The following OR2T11 variants were observed in gnomAD, a reference collection of about 807,000 sequenced individuals.
OR2T11 encodes olfactory receptor family 2 subfamily T member 11.
Under a neutral mutation model 13.5 loss-of-function variants are expected in OR2T11, and 14 were observed. The ratio of observed to expected loss-of-function variants is 1.04; its 90% CI spans 0.69 to 1.62. OR2T11 has a LOEUF of 1.62. Among genes scored for constraint, OR2T11 ranks in the 40% most tolerant of loss-of-function variants. OR2T11 has a pLI of 0.00. For synonymous variants in OR2T11, 163 were observed against 154.6 expected (o/e 1.05, Z -0.40); for missense variants, 410 against 389.7 (o/e 1.05, Z -0.44).
At chr1:248,632,247 A>G (rs1331635059) in intron 1 of OR2T11, among the ~76,000 whole-genome samples, 1 of 143,828 alleles carries the variant, frequency 7.0e-6, no homozygotes, top group Non-Finnish European at 1.5e-5. Context: ...TGATCCTATC[A>G]ATGATTTATG....
intron 1 of OR2T11, among the ~76,000 whole-genome samples, chr1:248,633,853 A>ACCT (rs1161433677): frequency 2.8e-5 from 4 of 143,958 alleles, no homozygotes; most frequent in Non-Finnish European, 4.5e-5. Context: ...AATGGGACTT[A>ACCT]CCTCCTGTTT....
intron 1 of OR2T11, among the ~76,000 whole-genome samples, chr1:248,629,924 C>T (rs1455156994): frequency 2.1e-5 from 3 of 141,996 alleles, no homozygotes; most frequent in Non-Finnish European, 4.5e-5. Context: ...TTTTTCTTCA[C>T]TTTTCTTAAC....
At position 248,626,017 on chromosome 1, in the gene OR2T11, A is replaced by G; in HGVS notation, c.*161T>C. The G allele has an allele frequency of 3.7e-6, 2 of 535,444 alleles. No individual in the cohort carries two copies. Among genetic ancestry groups the G allele is most frequent in the Non-Finnish European group, 3.3e-6 (1 of 301,118 alleles). 33.2% of individuals were successfully genotyped at this position (535,444 alleles called of 1,614,324 possible). A position where few individuals can be genotyped will look rare whatever the true frequency, so the allele number is the denominator to read the frequency against. The stretch of plus-strand genomic sequence containing the variant: ...ACTGAAAGATCTCTGCATAACAGTA[A>G]AACATCTTTCCCTTGCTCCCGAGGA... On this transcript the variant is annotated 3_prime_UTR_variant, in exon 2 of 2. Coordinates refer to ENST00000641193, the MANE Select transcript of OR2T11 (RefSeq NM_001001964.2).
chr1:248,628,424 C>G (rs1375159987), intron 1 of OR2T11, among the ~76,000 whole-genome samples: 1 of 140,288 alleles, frequency 7.1e-6, no homozygotes, highest in East Asian at 2.1e-4. Context: ...CCGGATGCTG[C>G]AGGGTTTCCC....
chr1:248,626,309 A>AG lies in OR2T11; in HGVS notation c.819dup (p.Phe274LeufsTer10), dbSNP rs1660517139. 1.3e-6 allele frequency: 2 copies of AG among 1,570,666 alleles called. No homozygotes were observed. The highest frequency in any genetic ancestry group is 3.0e-5 in the African/African-American group (2 of 67,188). Reference sequence around the variant, plus strand: ...AGCATGGGCGTGACAATGGTATAGAAGGCTGACACTACTTTGTCCTGCTCG... The same window carrying AG: ...AGCATGGGCGTGACAATGGTATAGAAGGGCTGACACTACTTTGTCCTGCTCG... On this transcript the variant is annotated frameshift_variant, in exon 2 of 2. Coordinates refer to ENST00000641193, the MANE Select transcript of OR2T11 (RefSeq NM_001001964.2). LOFTEE classifies it high-confidence loss of function.
In OR2T11 at chr1:248,624,895, A is replaced by T. The variant is rs749283978; in HGVS notation, c.*1283T>A. The T allele has an allele frequency of 2.8e-5, 4 of 142,780 alleles. 1 individual carries two copies. Among genetic ancestry groups the T allele is most frequent in the African/African-American group, 8.3e-5 (3 of 36,052 alleles). 8.8% of individuals were successfully genotyped at this position (142,780 alleles called of 1,614,324 possible). A position where few individuals can be genotyped will look rare whatever the true frequency, so the allele number is the denominator to read the frequency against. ...AGGCATGTGCCACCACATCCAACTG[A>T]TATTTGTGTTTTTGGTAGATGGGGT... On this transcript the variant is annotated 3_prime_UTR_variant, in exon 2 of 2. Transcript: ENST00000641193.
At chr1:248,634,084 G>A (rs533962689) in intron 1 of OR2T11, among the ~76,000 whole-genome samples, 7 of 140,812 alleles carry the variant, frequency 5.0e-5, no homozygotes, top group South Asian at 2.2e-4. Flanking sequence ...TTTCCACGTC[G>A]TCTCTTCAAA....
chr1:248,629,788 G>A (rs1454577078), intron 1 of OR2T11, among the ~76,000 whole-genome samples: 1 of 141,810 alleles, frequency 7.1e-6, no homozygotes, highest in East Asian at 2.1e-4. Flanking sequence ...AGAGCCCTGA[G>A]CCCAGGCCAT....
In OR2T11 at chr1:248,624,224, A is replaced by T. The variant is rs1321572962; in HGVS notation, c.*1954T>A. 1.4e-5 allele frequency: 2 copies of T among 143,334 alleles called. No individual in the cohort carries two copies. The highest frequency in any genetic ancestry group is 3.0e-5 in the Non-Finnish European group (2 of 66,364). The allele number at this position is 143,334 out of a possible 1,614,324, so 8.9% of individuals were successfully genotyped here. Reference sequence around the variant, plus strand: ...GTACTGAATTATTCCTTTGAACTTCATACTCAATATCACATGACAGCACCA... The same window carrying T: ...GTACTGAATTATTCCTTTGAACTTCTTACTCAATATCACATGACAGCACCA... On this transcript the variant is annotated 3_prime_UTR_variant, in exon 2 of 2. Transcript: ENST00000641193.
intron 1 of OR2T11, among the ~76,000 whole-genome samples, chr1:248,631,087 A>G (rs1660606915): frequency 7.0e-6 from 1 of 143,034 alleles, no homozygotes; most frequent in Non-Finnish European, 1.5e-5. Context: ...AAAACCTCAT[A>G]GAAAAGTAGG....
At position 248,623,870 on chromosome 1, in the gene OR2T11, C is replaced by G. The variant is rs1330227367; in HGVS notation, c.*2308G>C. On this transcript the variant is annotated 3_prime_UTR_variant, in exon 2 of 2. Transcript: ENST00000641193. The stretch of plus-strand genomic sequence containing the variant: ...AAGGAGGGGGAGTCCGAAGGTTGTC[C>G]TACAACCCAGATGTCTCTACTAGCT... The G allele has an allele frequency of 1.4e-5, 2 of 142,308 alleles. No individual in the cohort carries two copies. Among genetic ancestry groups the G allele is most frequent in the Non-Finnish European group, 3.0e-5 (2 of 65,914 alleles). 8.8% of individuals were successfully genotyped at this position (142,308 alleles called of 1,614,324 possible). A position where few individuals can be genotyped will look rare whatever the true frequency, so the allele number is the denominator to read the frequency against.
At position 248,623,976 on chromosome 1, in the gene OR2T11, C is replaced by G. The variant is rs761977226; in HGVS notation, c.*2202G>C. On this transcript the variant is annotated 3_prime_UTR_variant, in exon 2 of 2. Transcript: ENST00000641193. The stretch of plus-strand genomic sequence containing the variant: ...GACCACCCTGATCTTTACTCATAGA[C>G]GCTCTCATTGATTCTAACTGCACCG... 7.1e-6 allele frequency: 1 copy of G among 141,514 alleles called. No homozygotes were observed. The highest frequency in any genetic ancestry group is 1.5e-5 in the Non-Finnish European group (1 of 65,706). The allele number at this position is 141,514 out of a possible 1,614,324, so 8.8% of individuals were successfully genotyped here.
chr1:248,626,328 C>G lies in OR2T11; in HGVS notation c.801G>C (p.Gln267His). The change falls in exon 2 of 2, where the codon CAG becomes CAC. Residue 267 changes from glutamine to histidine, a missense_variant. By Grantham distance (24) the Gln-to-His change is conservative. Transcript: ENST00000641193. ...TATAGAAGGCTGACACTACTTTGTC[C>G]TGCTCGGGGGTGTGGAAGGACTGGG... ...VLPQSFHTPE[Q>H]DKVVSAFYTI... 1 of 1,572,884 alleles carries G rather than the reference C, an allele frequency of 6.4e-7. No homozygotes were observed. Among genetic ancestry groups the G allele is most frequent in the South Asian group, 1.1e-5 (1 of 88,922 alleles).
At position 248,628,631 on chromosome 1, in the gene OR2T11, C is replaced by A. The variant is rs984742215; in HGVS notation, c.-144-1359G>T. ...TCAAATTTAGCTGGTTGTCCTTTAC[C>A]ATGCTGAAGTCATATCTGGTTTCAC... On this transcript the variant is annotated intron_variant, in intron 1 of 1. Transcript: ENST00000641193. Among the ~76,000 whole-genome samples the A allele has an allele frequency of 9.1e-5, 13 of 143,032 alleles. 3 individuals are homozygous for A. Among genetic ancestry groups the A allele is most frequent in the Non-Finnish European group, 1.7e-4 (11 of 66,258 alleles). 93.8% of individuals were successfully genotyped at this position (143,032 alleles called of 152,430 possible). A position where few individuals can be genotyped will look rare whatever the true frequency, so the allele number is the denominator to read the frequency against.
In OR2T11 at chr1:248,634,231, C is replaced by G. The variant is rs1211021611; in HGVS notation, c.-145+807G>C. Among the ~76,000 whole-genome samples the G allele has an allele frequency of 7.2e-4, 35 of 48,584 alleles. 2 individuals carry two copies. The highest frequency in any genetic ancestry group is 4.3e-3 in the South Asian group (4 of 928). The allele number at this position is 48,584 out of a possible 152,430, so 31.9% of individuals were successfully genotyped here. A position where few individuals can be genotyped will look rare whatever the true frequency, so the allele number is the denominator to read the frequency against. On this transcript the variant is annotated intron_variant, in intron 1 of 1. Transcript: ENST00000641193. ...TGTTAGGAAAAGTTTTAAGTGCTTG[C>G]GATGCCTAACAATTCTTGTTTTTAG...
intron 1 of OR2T11, among the ~76,000 whole-genome samples, chr1:248,630,638 A>G (rs1306195167): frequency 6.9e-6 from 1 of 144,146 alleles, no homozygotes; most frequent in Non-Finnish European, 1.5e-5. Context: ...GCAAAATGTC[A>G]TCTGCCTTCT....
In OR2T11 at chr1:248,633,806, A is replaced by T. The variant is rs1268504708; in HGVS notation, c.-145+1232T>A. ...CTTTGCATTTAAATTTTCAGTCATG[A>T]AAGAGTTTTCTGCTTCCACCCTTGA... On this transcript the variant is annotated intron_variant, in intron 1 of 1. Transcript: ENST00000641193. Among the ~76,000 whole-genome samples the T allele has an allele frequency of 2.4e-4, 34 of 143,874 alleles. 7 individuals are homozygous for T. Among genetic ancestry groups the T allele is most frequent in the African/African-American group, 8.2e-4 (30 of 36,744 alleles). The allele number at this position is 143,874 out of a possible 152,430, so 94.4% of individuals were successfully genotyped here. A position where few individuals can be genotyped will look rare whatever the true frequency, so the allele number is the denominator to read the frequency against.
At chr1:248,633,208 T>C (rs28504679) in intron 1 of OR2T11, among the ~76,000 whole-genome samples, 115,912 of 124,114 alleles carry the variant, frequency 0.93, 55,867 homozygotes, top group East Asian at 1. Context: ...TAACTGGACA[T>C]GTACTAAATA....
Position 248,625,721 on chromosome 1 carries a change from C to A in OR2T11, c.*457G>T. The stretch of plus-strand genomic sequence containing the variant: ...TTGGGGTTAATACTAAAATAAAAAA[C>A]ACGACTAAAGTGTGTGCTTTTATCT... On this transcript the variant is annotated 3_prime_UTR_variant, in exon 2 of 2. Transcript: ENST00000641193. 1 of 148,602 alleles carries A rather than the reference C, an allele frequency of 6.7e-6. No individual in the cohort carries two copies. The highest frequency in any genetic ancestry group is 1.4e-5 in the Non-Finnish European group (1 of 69,098). The allele number at this position is 148,602 out of a possible 1,614,324, so 9.2% of individuals were successfully genotyped here.
Sources: allele counts gnomAD v4.1 joint callset (sites outside exome capture counted in the v4.1 genomes callset), GRCh38; gene constraint gnomAD v4.1.1; transcripts MANE v1.5; gene names NCBI Gene and HGNC (gene_info 2026-07-23, HGNC 2026-07-21).